The following SPATA7 variants were observed in gnomAD, a reference collection of about 807,000 sequenced individuals.
SPATA7 encodes the protein spermatogenesis-associated protein 7.
A neutral mutation model predicts 51.8 loss-of-function variants in SPATA7; 43 were observed. The ratio of observed to expected loss-of-function variants is 0.83; its 90% CI spans 0.65 to 1.07. SPATA7 has a LOEUF of 1.07. Among genes scored for constraint, SPATA7 ranks in the 50% least tolerant of loss-of-function variants. SPATA7 has a pLI of 0.00. For missense variants in SPATA7, 683 were observed against 701.3 expected (o/e 0.97, Z 0.30); for synonymous variants, 230 against 252.8 (o/e 0.91, Z 0.86).
intron 4 of SPATA7, among the ~76,000 whole-genome samples, chr14:88,402,442 A>C (rs953753935): frequency 6.7e-5 from 10 of 148,722 alleles, no homozygotes; most frequent in Non-Finnish European, 1.2e-4. Context: ...GCAAAAAAAA[A>C]CACATACCAG....
intron 3 of SPATA7, among the ~76,000 whole-genome samples, chr14:88,394,674 C>G (rs2075834377): frequency 1.3e-5 from 2 of 152,094 alleles, no homozygotes; most frequent in Non-Finnish European, 2.9e-5. Context: ...ATTTATGTGT[C>G]AGGAGTAGAA....
At chr14:88,459,542 C>T (rs866306287), downstream of SPATA7, among the ~76,000 whole-genome samples, 5 of 152,128 alleles carry the variant, frequency 3.3e-5, no homozygotes, top group Admixed American at 1.3e-4. Context: ...GATTGCAACC[C>T]CTGCCTTTTT....
chr14:88,411,158 T>A (rs2076331302), intron 4 of SPATA7, among the ~76,000 whole-genome samples: 1 of 152,146 alleles, frequency 6.6e-6, no homozygotes, highest in Non-Finnish European at 1.5e-5. Flanking sequence ...TCCTGGCGGC[T>A]TTGTTTACAC....
In SPATA7 at chr14:88,416,861, A is replaced by T. The variant is rs746361238; in HGVS notation, c.372+17A>T. 1 of 1,569,170 alleles carries T rather than the reference A, an allele frequency of 6.4e-7. No individual in the cohort carries two copies. Among genetic ancestry groups the T allele is most frequent in the Non-Finnish European group, 8.8e-7 (1 of 1,142,106 alleles). On this transcript the variant is annotated intron_variant, in intron 5 of 11. Transcript: ENST00000393545. Reference sequence around the variant, plus strand: ...TTACAAAAGGTAAGATAGTATTTTTATTTTTTAAAAGCAAATGTTTCTAAG... The same window carrying T: ...TTACAAAAGGTAAGATAGTATTTTTTTTTTTTAAAAGCAAATGTTTCTAAG...
intron 4 of SPATA7, among the ~76,000 whole-genome samples, chr14:88,401,390 T>C: frequency 6.6e-6 from 1 of 152,344 alleles, no homozygotes; most frequent in East Asian, 1.9e-4. Context: ...ACAGGTAACA[T>C]GATGCTTAAT....
At chr14:88,405,938 T>C (rs1393227626) in intron 4 of SPATA7, among the ~76,000 whole-genome samples, 1 of 152,222 alleles carries the variant, frequency 6.6e-6, no homozygotes, top group Non-Finnish European at 1.5e-5. Flanking sequence ...ATTTTCTGCT[T>C]TTAGTCAATT....
intron 4 of SPATA7, chr14:88,410,678 G>C (rs1411993822): frequency 6.5e-6 from 1 of 153,286 alleles, no homozygotes; most frequent in Non-Finnish European, 1.5e-5. Flanking sequence ...GCCGTAGTTT[G>C]CTGGAGGTCC....
At chr14:88,389,809 C>A (rs886585003) in intron 1 of SPATA7, among the ~76,000 whole-genome samples, 11 of 152,180 alleles carry the variant, frequency 7.2e-5, no homozygotes, top group African/African-American at 2.4e-4. Flanking sequence ...TCACACTTCT[C>A]TGGGTATACC....
chr14:88,398,186 T>A (rs1187684461), intron 4 of SPATA7, among the ~76,000 whole-genome samples: 3 of 152,030 alleles, frequency 2.0e-5, no homozygotes, highest in Non-Finnish European at 4.4e-5. Flanking sequence ...ATACGTATGT[T>A]TATTGCAGCA....
rs709886 is a variant in SPATA7, at chr14:88,385,687, A to G, written c.-132A>G. Reference sequence around the variant, plus strand: ...ACCCAGCCCTTAGCAACGGCCTGGCAACGGTTTCCCTGCTGCTGCAGCCCC... The same window carrying G: ...ACCCAGCCCTTAGCAACGGCCTGGCGACGGTTTCCCTGCTGCTGCAGCCCC... On this transcript the variant is annotated 5_prime_UTR_variant, in exon 1 of 12. Transcript: ENST00000393545. 0.99 allele frequency: 881,300 copies of G among 889,110 alleles called. 437,158 individuals carry two copies. The highest frequency in any genetic ancestry group is 1 in the East Asian group (38,110 of 38,110). The allele number at this position is 889,110 out of a possible 1,614,324, so 55.1% of individuals were successfully genotyped here.
rs114007937 is a variant in SPATA7, at chr14:88,453,565, A to G, written c.178-1495A>G. On this transcript the variant is annotated intron_variant, in intron 3 of 3. Transcript: ENST00000554802. ...GTGTGTTTTTGATTTCTCAGACCTC[A>G]CGGGGATGAAGGGCCTTGGTTTTAA... 3.5e-3 allele frequency among the ~76,000 whole-genome samples: 535 copies of G among 152,314 alleles called. 3 individuals are homozygous for G. Among genetic ancestry groups the G allele is most frequent in the African/African-American group, 0.012 (490 of 41,570 alleles).
chr14:88,405,601 G>A (rs537728391), intron 4 of SPATA7, among the ~76,000 whole-genome samples: 13 of 152,194 alleles, frequency 8.5e-5, no homozygotes, highest in Non-Finnish European at 1.8e-4. Flanking sequence ...AGAGGATTGG[G>A]TCAAAAATGA....
At chr14:88,460,662 C>T (rs1329163287) in intron 4 of SPATA7, among the ~76,000 whole-genome samples, 1 of 152,172 alleles carries the variant, frequency 6.6e-6, no homozygotes, top group Non-Finnish European at 1.5e-5. Context: ...AAACTTCCTC[C>T]TTTAGCTCAG....
At chr14:88,396,096 T>G (rs927558911) in intron 3 of SPATA7, 60 bp from the exon 4 acceptor site, 13 of 1,347,602 alleles carry the variant, frequency 9.6e-6, no homozygotes, top group Non-Finnish European at 1.4e-5. Context: ...ATTTCCACAT[T>G]TGGTATTTGT....
At chr14:88,456,763 C>T (rs2140056015), downstream of SPATA7, among the ~76,000 whole-genome samples, 1 of 152,134 alleles carries the variant, frequency 6.6e-6, no homozygotes, top group Non-Finnish European at 1.5e-5. Flanking sequence ...CTTTTGTTGC[C>T]ATTGCTTTTG....
chr14:88,419,575 A>G (rs559506939), intron 5 of SPATA7, among the ~76,000 whole-genome samples: 1 of 148,822 alleles, frequency 6.7e-6, no homozygotes, highest in Non-Finnish European at 1.5e-5. Flanking sequence ...TACCCAGGCC[A>G]GACTGCAGTG....
intron 4 of SPATA7, chr14:88,468,132 G>A: frequency 6.2e-7 from 1 of 1,613,964 alleles, no homozygotes; most frequent in Non-Finnish European, 8.5e-7. Flanking sequence ...AGAAATTGTG[G>A]GAGCTTAGAT....
intron 4 of SPATA7, among the ~76,000 whole-genome samples, chr14:88,464,720 ACT>A (rs1227078722): frequency 6.6e-6 from 1 of 151,526 alleles, no homozygotes; most frequent in Non-Finnish European, 1.5e-5. Flanking sequence ...ACAGAACGAA[ACT>A]CCGTCTCAAA....
intron 1 of SPATA7, 143 bp from the exon 2 acceptor site, chr14:88,391,238 A>G: frequency 1.5e-6 from 1 of 684,126 alleles, no homozygotes; most frequent in Non-Finnish European, 2.5e-6. Flanking sequence ...TGTTTTGGAG[A>G]TTACTACTAA....
Sources: gnomAD v4.1 joint callset for allele counts (sites outside exome capture counted in the v4.1 genomes callset) on GRCh38, gnomAD v4.1.1 for gene constraint, MANE v1.5 for transcripts, NCBI Gene and HGNC (gene_info 2026-07-23, HGNC 2026-07-21) for gene names.